Variants in MTCL2 observed in about 807,000 individuals in gnomAD.
The protein encoded by MTCL2 is microtubule crosslinking factor 2.
chr20:36,811,285 A>G, the MTCL2 span, among the ~76,000 whole-genome samples: 1 of 152,198 alleles, frequency 6.6e-6, no homozygotes, highest in East Asian at 1.9e-4. Flanking sequence ...GAAACAAATA[A>G]TTGAATGTGT....
chr20:36,819,913 A>C, the MTCL2 span, among the ~76,000 whole-genome samples: 6 of 152,198 alleles, frequency 3.9e-5, no homozygotes, highest in South Asian at 8.3e-4. Flanking sequence ...GGAAGGGAAG[A>C]GGAGGAAACA....
At chr20:36,805,003 G>A in the MTCL2 span, 229 of 1,342,616 alleles carry the variant, frequency 1.7e-4, 2 homozygotes, top group South Asian at 2.9e-3. Context: ...GGGACTTCAC[G>A]AGGCCTCAGG....
the MTCL2 span, among the ~76,000 whole-genome samples, chr20:36,818,662 GC>G: frequency 6.6e-6 from 1 of 152,090 alleles, no homozygotes; most frequent in African/African-American, 2.4e-5. Flanking sequence ...AAATCCAGAA[GC>G]AATAGGGGAA....
the MTCL2 span, chr20:36,793,961 C>G: frequency 6.4e-7 from 1 of 1,551,478 alleles, no homozygotes; most frequent in Non-Finnish European, 8.7e-7. The surrounding 1 kb of genome is among the most constrained non-coding windows in gnomAD (Gnocchi z 6.8). Flanking sequence ...ACTGGCCAGG[C>G]CCACCGTCTG....
chr20:36,827,316 G>A, the MTCL2 span, among the ~76,000 whole-genome samples: 1 of 149,554 alleles, frequency 6.7e-6, no homozygotes, highest in African/African-American at 2.5e-5. Context: ...GCCTCCCAAA[G>A]TGCTGGGATT....
At chr20:36,809,578 C>CT in the MTCL2 span, among the ~76,000 whole-genome samples, 4,322 of 124,152 alleles carry the variant, frequency 0.035, 243 homozygotes, top group African/African-American at 0.11. Context: ...TTCTTTCATT[C>CT]TTTTTTTTTT....
the MTCL2 span, among the ~76,000 whole-genome samples, chr20:36,803,575 G>A: frequency 6.6e-6 from 1 of 152,056 alleles, no homozygotes; most frequent in South Asian, 2.1e-4. Flanking sequence ...ATATGCAGAT[G>A]GAGGGAGCTG....
chr20:36,794,740 T>G, the MTCL2 span: 1 of 1,033,206 alleles, frequency 9.7e-7, no homozygotes, highest in Non-Finnish European at 1.5e-6. This position sits in a 1 kb window ranked among gnomAD's most constrained non-coding sequence, Gnocchi z 5.4. Flanking sequence ...ATGTTGTTGG[T>G]GCCCAGTCCC....
chr20:36,809,915 A>G, the MTCL2 span: 9 of 1,537,300 alleles, frequency 5.9e-6, no homozygotes, highest in African/African-American at 1.1e-4. Flanking sequence ...TAGATCCTCA[A>G]GGCCTCTGCT....
the MTCL2 span, among the ~76,000 whole-genome samples, chr20:36,814,467 G>A: frequency 6.6e-6 from 1 of 152,178 alleles, no homozygotes; most frequent in African/African-American, 2.4e-5. Context: ...GTGACTATTA[G>A]GCCACACACA....
chr20:36,785,004 G>C, the MTCL2 span: 4 of 985,402 alleles, frequency 4.1e-6, no homozygotes, highest in Non-Finnish European at 4.8e-6. Context: ...GTGTCAGAGG[G>C]AGGGAGGGAA....
the MTCL2 span, among the ~76,000 whole-genome samples, chr20:36,833,502 C>G: frequency 6.6e-6 from 1 of 152,268 alleles, no homozygotes; most frequent in Non-Finnish European, 1.5e-5. Flanking sequence ...CCCCTCGGCT[C>G]CTGGGCCTCT....
the MTCL2 span, among the ~76,000 whole-genome samples, chr20:36,821,938 T>C: frequency 6.6e-6 from 1 of 152,122 alleles, no homozygotes; most frequent in Non-Finnish European, 1.5e-5. Context: ...CCCCAAGAAG[T>C]CACCAAACAC....
At chr20:36,841,901 G>A in the MTCL2 span, among the ~76,000 whole-genome samples, 1 of 151,326 alleles carries the variant, frequency 6.6e-6, no homozygotes, top group Non-Finnish European at 1.5e-5. Context: ...GTGTGTGTGT[G>A]TGTGTGTGTG....
the MTCL2 span, among the ~76,000 whole-genome samples, chr20:36,857,172 C>T: frequency 1.2e-4 from 18 of 152,118 alleles, no homozygotes; most frequent in African/African-American, 3.6e-4. Flanking sequence ...TTTGTGTCTC[C>T]GCCTACATGT....
At chr20:36,854,838 C>T in the MTCL2 span, among the ~76,000 whole-genome samples, 1 of 152,206 alleles carries the variant, frequency 6.6e-6, no homozygotes, top group East Asian at 1.9e-4. Context: ...CAAAGGTGTC[C>T]TTCCATTAGC....
At chr20:36,812,695 T>C in the MTCL2 span, 4 of 1,613,812 alleles carry the variant, frequency 2.5e-6, no homozygotes, top group Non-Finnish European at 3.4e-6. Flanking sequence ...TGCTCAGGCC[T>C]AGACCCACCT....
At chr20:36,795,264 T>A in the MTCL2 span, among the ~76,000 whole-genome samples, 10 of 152,032 alleles carry the variant, frequency 6.6e-5, no homozygotes, top group East Asian at 3.9e-4. Context: ...TTTTAAAAAA[T>A]TTTTTGTAGA....
the MTCL2 span, among the ~76,000 whole-genome samples, chr20:36,807,585 G>A: frequency 1.3e-5 from 2 of 152,308 alleles, no homozygotes; most frequent in South Asian, 4.1e-4. Flanking sequence ...GCAGCAAAGG[G>A]TCCTGCATAG....
Sources: gnomAD v4.1 joint callset for allele counts (sites outside exome capture counted in the v4.1 genomes callset) on GRCh38, gnomAD v4.1.1 for gene constraint, Gnocchi (gnomAD v3.1) non-coding constraint, MANE v1.5 for transcripts, NCBI Gene and HGNC (gene_info 2026-07-23, HGNC 2026-07-21) for gene names.